The following KIF11 variants were observed in gnomAD, a reference collection of about 807,000 sequenced individuals.
The protein encoded by KIF11 is kinesin family member 11.
In KIF11, 9 loss-of-function variants were observed where a neutral mutation model predicts 121.0. The observed-to-expected ratio is 0.07, with a 90% CI of 0.04 to 0.13. KIF11 has a LOEUF of 0.13. Among genes scored for constraint, KIF11 ranks in the 10% least tolerant of loss-of-function variants. The pLI is 1.00. For synonymous variants in KIF11, 408 were observed against 421.0 expected (o/e 0.97, Z 0.38); for missense variants, 846 against 1,217.5 (o/e 0.69, Z 4.54).
rs758052909 is a variant in KIF11, at chr10:92,593,327, A to C, written c.-49A>C. On this transcript the variant is annotated 5_prime_UTR_variant, in exon 1 of 22. Coordinates refer to ENST00000260731, the MANE Select transcript of KIF11 (RefSeq NM_004523.4). ...CGGCCGCCAAGCCCCTCCGCCCCTC[A>C]CAGCGCCCAGGTCCGCGGCCGGGCC... 1 of 1,563,818 alleles carries C rather than the reference A, an allele frequency of 6.4e-7. No homozygotes were observed. Among genetic ancestry groups the C allele is most frequent in the Non-Finnish European group, 8.7e-7 (1 of 1,152,650 alleles).
chr10:92,644,165 T>C (rs1490505464), intron 17 of KIF11, among the ~76,000 whole-genome samples: 2 of 152,206 alleles, frequency 1.3e-5, no homozygotes, highest in African/African-American at 4.8e-5. Context: ...ACACCAGAGT[T>C]TCCCAGTATG....
Position 92,593,255 on chromosome 10 carries a change from A to C in KIF11, c.-121A>C. On this transcript the variant is annotated 5_prime_UTR_variant, in exon 1 of 22. Coordinates refer to ENST00000260731, the MANE Select transcript of KIF11 (RefSeq NM_004523.4). ...GCCGACCTGCGTGCGTCGGTCCTCC[A>C]GGCCACGCCAGCGCCCGAGAGGGAC... The C allele has an allele frequency of 2.1e-6, 2 of 974,596 alleles. No homozygotes were observed. The highest frequency in any genetic ancestry group is 3.0e-6 in the Non-Finnish European group (2 of 659,986). The allele number at this position is 974,596 out of a possible 1,614,324, so 60.4% of individuals were successfully genotyped here.
rs1219140418 is a variant in KIF11, at chr10:92,613,844, T to A, written c.1032+225T>A. ...ACAAAAAATTAGCTGGGTTTGGTGG[T>A]GTACAACTGTGGTCCCAGCTACTTG... is the stretch of plus-strand genomic sequence containing the variant. On this transcript the variant is annotated intron_variant, in intron 8 of 21. Coordinates refer to ENST00000260731, the MANE Select transcript of KIF11 (RefSeq NM_004523.4). The surrounding 1 kb of genome is among the most constrained non-coding windows in gnomAD (Gnocchi z 4.2). 1.3e-5 allele frequency among the ~76,000 whole-genome samples: 2 copies of A among 151,810 alleles called. No homozygotes were observed. The highest frequency in any genetic ancestry group is 2.9e-5 in the Non-Finnish European group (2 of 67,966).
chr10:92,612,917 C>T, intron 6 of KIF11, 123 bp from the exon 7 acceptor site: 1 of 591,546 alleles, frequency 1.7e-6, no homozygotes, highest in Non-Finnish European at 3.0e-6. Context: ...TTGATATCTC[C>T]TGTCTGATGT....
intron 1 of KIF11, among the ~76,000 whole-genome samples, chr10:92,599,810 G>A (rs1326266353): frequency 6.7e-6 from 1 of 148,736 alleles, no homozygotes; most frequent in South Asian, 2.1e-4. Flanking sequence ...ACGCTACGAC[G>A]CCCAGCTAAT....
At chr10:92,650,019 C>G in intron 20 of KIF11, 33 bp downstream of exon 20, 2 of 1,517,064 alleles carry the variant, frequency 1.3e-6, no homozygotes, top group Non-Finnish European at 1.8e-6. Flanking sequence ...TATAATAGAA[C>G]TCTTTTATGA....
rs78811951 is a variant in KIF11, at chr10:92,625,069, G to A, written c.1217+3596G>A. On this transcript the variant is annotated intron_variant, in intron 10 of 21. Transcript: ENST00000260731. ...CAGGTGTGAGCCACCATGCCCTGCC[G>A]GTATTTCTGTTTTAAGTTCTTTGAG... is the stretch of plus-strand genomic sequence containing the variant. Among the ~76,000 whole-genome samples the A allele has an allele frequency of 8.7e-3, 1,322 of 151,716 alleles. 20 individuals carry two copies. Among genetic ancestry groups the A allele is most frequent in the African/African-American group, 0.03 (1,256 of 41,390 alleles).
chr10:92,649,491 T>C (rs908660183), intron 19 of KIF11, among the ~76,000 whole-genome samples: 1 of 152,210 alleles, frequency 6.6e-6, no homozygotes, highest in Non-Finnish European at 1.5e-5. Context: ...CCTATCAAAG[T>C]AATCATGTTG....
intron 1 of KIF11, chr10:92,596,897 G>A: frequency 4.3e-6 from 1 of 233,704 alleles, no homozygotes; most frequent in Non-Finnish European, 9.0e-6. Context: ...TTCTGTGTTT[G>A]GCCCCAGTGC....
chr10:92,650,418 G>C lies in KIF11; in HGVS notation c.2940G>C (p.Glu980Asp). ...TCTTTTAGGATGTGGATGTAGAAGA[G>C]GCAGTTCTGGGGCAGTATACTGAAG... Reference protein sequence around the residue: ...EETIPDVDVEEAVLGQYTEEP... With the variant: ...EETIPDVDVEDAVLGQYTEEP... Residue 980 changes from glutamate (E) to aspartate (D), a missense_variant, in exon 21 of 22, where the codon GAG becomes GAC. Physicochemically the swap from Glu to Asp is conservative, Grantham distance 45. This residue lies in a region of KIF11 where 492 missense variants were observed against 603.4 expected (regional missense o/e 0.82). Transcript: ENST00000260731. 1 of 1,608,656 alleles carries C rather than the reference G, an allele frequency of 6.2e-7. No individual in the cohort carries two copies.
chr10:92,610,520 C>T (rs897023917), intron 6 of KIF11, among the ~76,000 whole-genome samples: 2 of 152,056 alleles, frequency 1.3e-5, no homozygotes, highest in Admixed American at 1.3e-4. Flanking sequence ...ATATAGTTTA[C>T]TAAAACAGAA....
rs66987236 is a variant in KIF11 at position 92,637,032 on chromosome 10, CAA to C, written c.1876-132_1876-131del. ...TGGGTGACAGAATGAGACTCCGTCTCAAAAAAAAAAAAAAAAAAAAAGAATGG... is the reference window on the plus strand; with the variant it reads ...TGGGTGACAGAATGAGACTCCGTCTCAAAAAAAAAAAAAAAAAAAGAATGG... On this transcript the variant is annotated intron_variant, in intron 14 of 21. Transcript: ENST00000260731. The C allele has an allele frequency of 0.18, 67,062 of 369,208 alleles. 669 individuals carry two copies. Among genetic ancestry groups the C allele is most frequent in the East Asian group, 0.38 (6,765 of 17,776 alleles). 22.9% of individuals were successfully genotyped at this position (369,208 alleles called of 1,614,324 possible).
intron 10 of KIF11, among the ~76,000 whole-genome samples, chr10:92,628,350 T>G (rs12244924): frequency 0.15 from 22,697 of 152,070 alleles, 3,605 homozygotes; most frequent in African/African-American, 0.4. Flanking sequence ...TAACCCCTAA[T>G]CTTACCCCTT....
In KIF11 at chr10:92,633,764, C is replaced by A; in HGVS notation, c.1844C>A (p.Ala615Glu). The change falls in exon 14 of 22, where the codon GCA becomes GAA. Residue 615 changes from alanine (A) to glutamate (E), a missense_variant. Physicochemically the swap from Ala to Glu is moderately radical, Grantham distance 107. Around this residue, in one of 5 missense-constraint regions of KIF11, gnomAD observed 492 missense variants for 603.4 expected, o/e 0.82. Coordinates refer to ENST00000260731, the MANE Select transcript of KIF11 (RefSeq NM_004523.4). ...NMILKEQSLA[A>E]ESKTVLQELI... ...ATACTAAAAGAACAATCATTAGCAG[C>A]AGAAAGTAAAACTGTACTACAGGAA... 6.3e-7 allele frequency: 1 copy of A among 1,593,174 alleles called. No homozygotes were observed. Among genetic ancestry groups the A allele is most frequent in the Non-Finnish European group, 8.6e-7 (1 of 1,164,146 alleles).
chr10:92,595,477 G>A (rs1844283859), intron 1 of KIF11, among the ~76,000 whole-genome samples: 2 of 151,952 alleles, frequency 1.3e-5, no homozygotes, highest in Non-Finnish European at 2.9e-5. Context: ...ACAGGTTAAA[G>A]TTTACAGATC....
chr10:92,602,500 G>A (rs1463578843), intron 1 of KIF11, among the ~76,000 whole-genome samples: 1 of 151,940 alleles, frequency 6.6e-6, no homozygotes, highest in Non-Finnish European at 1.5e-5. Flanking sequence ...TAAGTATTGT[G>A]TTTCTAGGAA....
At chr10:92,606,852 A>G (rs1355064525) in intron 3 of KIF11, 136 bp downstream of exon 3, 1 of 654,854 alleles carries the variant, frequency 1.5e-6, no homozygotes, top group African/African-American at 1.8e-5. Context: ...ATCTCGGCTC[A>G]CTGCAGCCTC....
intron 10 of KIF11, among the ~76,000 whole-genome samples, chr10:92,626,123 A>G (rs2135912386): frequency 6.6e-6 from 1 of 152,334 alleles, no homozygotes; most frequent in Admixed American, 6.5e-5. Context: ...AAGCAGTCCT[A>G]AGCAAAAAGA....
At position 92,653,697 on chromosome 10, in the gene KIF11, C is replaced by T. The variant is rs1845012770; in HGVS notation, c.3072C>T (p.Asn1024=). 5 of 1,612,450 alleles carry T rather than the reference C, an allele frequency of 3.1e-6. No individual in the cohort carries two copies. In the East Asian group the frequency reaches 1.1e-4, roughly 36 times the overall value. The change falls in exon 22 of 22, where the codon AAC becomes AAT. Residue 1024 remains asparagine (N), a synonymous_variant. Transcript: ENST00000260731. ...HKKSHGKDKE[N]RGINTLERSK... is the part of the protein sequence containing the mutation. ...AATCACATGGAAAAGACAAAGAAAA[C>T]AGAGGCATTAACACACTGGAGAGGT...
Sources: gnomAD v4.1 joint callset for allele counts (sites outside exome capture counted in the v4.1 genomes callset) on GRCh38, gnomAD v4.1.1 for gene constraint, gnomAD v4.1.1 regional missense constraint, Gnocchi (gnomAD v3.1) non-coding constraint, MANE v1.5 for transcripts, NCBI Gene and HGNC (gene_info 2026-07-23, HGNC 2026-07-21) for gene names.